Variants in OLFM3 observed in about 807,000 individuals in gnomAD.
OLFM3 encodes the protein noelin-3.
OLFM3 carries 20 observed loss-of-function variants against 48.6 expected under a neutral mutation model. The ratio of observed to expected loss-of-function variants is 0.41; its 90% CI spans 0.29 to 0.60. The LOEUF (loss-of-function observed/expected upper bound fraction) is 0.60, where lower values mean the gene tolerates loss of function less well. Among genes scored for constraint, OLFM3 ranks in the 20% least tolerant of loss-of-function variants. OLFM3 has a pLI of 0.28. For synonymous variants in OLFM3, 222 were observed against 198.1 expected (o/e 1.12, Z -1.01); for missense variants, 437 against 544.3 (o/e 0.80, Z 1.96).
At chr1:101,824,973 T>G in intron 4 of OLFM3, 53 bp downstream of exon 4, 1 of 1,469,716 alleles carries the variant, frequency 6.8e-7, no homozygotes, top group South Asian at 1.2e-5. Flanking sequence ...AGCACAATTT[T>G]CTTTGAAACT....
At chr1:101,980,831 C>T (rs1281614099) in intron 1 of OLFM3, among the ~76,000 whole-genome samples, 2 of 152,058 alleles carry the variant, frequency 1.3e-5, no homozygotes, top group African/African-American at 2.4e-5. Context: ...GCTAACTAAA[C>T]CTTTTCATAG....
intron 1 of OLFM3, among the ~76,000 whole-genome samples, chr1:101,976,827 TTCTAAGAATCTAAATTAC>T (rs1660968131): frequency 3.3e-5 from 5 of 152,140 alleles, no homozygotes; most frequent in Admixed American, 3.3e-4. Flanking sequence ...TTTTCTTCCC[TTCTAAGAATCTAAATTAC>T]TCTAAGAATC....
At chr1:101,962,560 T>C (rs74721327) in intron 1 of OLFM3, among the ~76,000 whole-genome samples, 2,393 of 152,282 alleles carry the variant, frequency 0.016, 59 homozygotes, top group African/African-American at 0.054. Context: ...TGAGTTTCTC[T>C]GGCTCCCAGT....
At chr1:101,906,711 C>T (rs1248779057) in intron 1 of OLFM3, among the ~76,000 whole-genome samples, 1 of 152,160 alleles carries the variant, frequency 6.6e-6, no homozygotes, top group Non-Finnish European at 1.5e-5. Flanking sequence ...ATTACACAGT[C>T]TTGACAAAAG....
chr1:101,832,000 T>G (rs1417612137), intron 2 of OLFM3, among the ~76,000 whole-genome samples: 2 of 152,180 alleles, frequency 1.3e-5, no homozygotes, highest in Admixed American at 1.3e-4. Context: ...CCTCCTGGGT[T>G]CAAAAAATTC....
At chr1:101,959,348 T>A (rs1660398609) in intron 1 of OLFM3, among the ~76,000 whole-genome samples, 1 of 152,016 alleles carries the variant, frequency 6.6e-6, no homozygotes, top group African/African-American at 2.4e-5. Context: ...TTTTTTTTTT[T>A]TTTTAACTTT....
chr1:101,966,603 G>T (rs1660616863), intron 1 of OLFM3, among the ~76,000 whole-genome samples: 1 of 152,126 alleles, frequency 6.6e-6, no homozygotes, highest in East Asian at 1.9e-4. Context: ...GTGGGAAAAT[G>T]TTTTCATGTT....
intron 1 of OLFM3, among the ~76,000 whole-genome samples, chr1:101,898,939 T>C (rs141908419): frequency 5.5e-4 from 84 of 152,306 alleles, no homozygotes; most frequent in African/African-American, 1.9e-3. Flanking sequence ...CAGCAATTCA[T>C]TCATTCATTA....
chr1:101,823,328 G>A (rs1483763099), intron 4 of OLFM3, among the ~76,000 whole-genome samples: 1 of 152,046 alleles, frequency 6.6e-6, no homozygotes, highest in Non-Finnish European at 1.5e-5. Flanking sequence ...GGCAATGAAT[G>A]ATTCTAGCAA....
chr1:101,933,448 A>G (rs903427529), intron 1 of OLFM3, among the ~76,000 whole-genome samples: 8 of 152,080 alleles, frequency 5.3e-5, no homozygotes, highest in African/African-American at 1.9e-4. Flanking sequence ...CCAAACCTCC[A>G]AGAAATATGG....
intron 1 of OLFM3, among the ~76,000 whole-genome samples, chr1:101,976,373 A>G (rs1051116479): frequency 2.6e-5 from 4 of 152,228 alleles, no homozygotes; most frequent in Admixed American, 2.6e-4. Context: ...GAGACTGGAC[A>G]GACTATTGCT....
chr1:101,858,133 A>G (rs1248759969), intron 1 of OLFM3, among the ~76,000 whole-genome samples: 1 of 152,088 alleles, frequency 6.6e-6, no homozygotes, highest in Non-Finnish European at 1.5e-5. Context: ...TTCTTACAGG[A>G]CTGGTTAATA....
chr1:101,847,230 A>G (rs755049621), intron 1 of OLFM3: 12 of 216,564 alleles, frequency 5.5e-5, no homozygotes, highest in Non-Finnish European at 7.9e-5. Context: ...GTTGGTAATT[A>G]TCAGAGAGCA....
chr1:101,976,744 GGTATATTCTGTAAATTAGAAAA>G (rs1660965431), intron 1 of OLFM3, among the ~76,000 whole-genome samples: 1 of 151,964 alleles, frequency 6.6e-6, no homozygotes, highest in South Asian at 2.1e-4. Flanking sequence ...AACCACTTAT[GGTATATTCTGTAAATTAGAAAA>G]GTAATTTGAA....
intron 1 of OLFM3, among the ~76,000 whole-genome samples, chr1:101,944,513 C>T (rs1291433428): frequency 6.6e-6 from 1 of 152,152 alleles, no homozygotes; most frequent in South Asian, 2.1e-4. Context: ...TCTAACTCTC[C>T]TCATTTTGAT....
At chr1:101,918,623 C>G (rs754652286) in intron 1 of OLFM3, among the ~76,000 whole-genome samples, 1 of 148,930 alleles carries the variant, frequency 6.7e-6, no homozygotes, top group Non-Finnish European at 1.5e-5. Context: ...TCAAATAATG[C>G]AGGATAACCT....
At chr1:101,805,533 T>C (rs1270040100) in intron 5 of OLFM3, among the ~76,000 whole-genome samples, 1 of 151,828 alleles carries the variant, frequency 6.6e-6, no homozygotes, top group South Asian at 2.1e-4. Flanking sequence ...AAGTTTCTAG[T>C]ATATTGATTT....
chr1:101,993,613 A>C (rs1661475477), intron 1 of OLFM3, among the ~76,000 whole-genome samples: 1 of 152,150 alleles, frequency 6.6e-6, no homozygotes, highest in Admixed American at 6.5e-5. Context: ...AAGAACTGGA[A>C]ACTTACTAAT....
At position 101,905,924 on chromosome 1, in the gene OLFM3, T is replaced by G. The variant is rs374857836; in HGVS notation, c.70-68899A>C. ...ATGATCTACTCTTATTGTATTAACTTTGTATGGGCTTCTTTTCTCTTTACT... is the reference window on the plus strand; with the variant it reads ...ATGATCTACTCTTATTGTATTAACTGTGTATGGGCTTCTTTTCTCTTTACT... On this transcript the variant is annotated intron_variant, in intron 1 of 5. Transcript: ENST00000370103. Among the ~76,000 whole-genome samples the G allele has an allele frequency of 9.7e-4, 148 of 152,260 alleles. 1 individual carries two copies. Among genetic ancestry groups the G allele is most frequent in the African/African-American group, 3.5e-3 (146 of 41,560 alleles).
Sources: gnomAD v4.1 joint callset for allele counts (sites outside exome capture counted in the v4.1 genomes callset) on GRCh38, gnomAD v4.1.1 for gene constraint, MANE v1.5 for transcripts, NCBI Gene and HGNC (gene_info 2026-07-23, HGNC 2026-07-21) for gene names.